The following DOK5 variants were observed in gnomAD, a reference collection of about 807,000 sequenced individuals.
DOK5 encodes docking protein 5.
A neutral mutation model predicts 43.3 loss-of-function variants in DOK5; 27 were observed. The ratio of observed to expected loss-of-function variants is 0.62; its 90% CI spans 0.46 to 0.86. The LOEUF (loss-of-function observed/expected upper bound fraction) is 0.86. Ranked by LOEUF, DOK5 falls within the 40% of genes least tolerant of loss-of-function variation. The probability of loss-of-function intolerance (pLI) is 0.00; values close to 1 mark genes in which losing one functional copy is unlikely to be tolerated. For synonymous variants in DOK5, 146 were observed against 140.1 expected, an observed-to-expected ratio of 1.04 and a Z score of -0.30; for missense variants, 373 against 392.9, an observed-to-expected ratio of 0.95 and a Z score of 0.43.
intron 6 of DOK5, among the ~76,000 whole-genome samples, chr20:54,632,236 T>A (rs932167450): frequency 2.6e-5 from 4 of 152,214 alleles, no homozygotes; most frequent in Admixed American, 6.5e-5. Flanking sequence ...GTACACTCAC[T>A]GAAACCAGGT....
rs183269325 is a variant in DOK5 at position 54,646,145 on chromosome 20, C to T, written c.856+2567C>T. Among the ~76,000 whole-genome samples, 21 of 151,470 alleles carry T rather than the reference C, an allele frequency of 1.4e-4. No individual in the cohort carries two copies. In the East Asian group the frequency reaches 3.9e-3, roughly 28 times the overall value. ...ATATCATCACAATTTTTGTCATATA[C>T]ATACCAGAATGTTACTCGATTTTAC... On this transcript the variant is annotated intron_variant, in intron 7 of 7. Transcript: ENST00000262593.
chr20:54,605,360 G>A (rs1186258172), intron 5 of DOK5, among the ~76,000 whole-genome samples: 2 of 152,220 alleles, frequency 1.3e-5, no homozygotes, highest in African/African-American at 4.8e-5. Context: ...AGTTTCTGAA[G>A]TTGGGCACTC....
chr20:54,626,547 G>T (rs981655765), intron 6 of DOK5, among the ~76,000 whole-genome samples: 2 of 152,006 alleles, frequency 1.3e-5, no homozygotes, highest in African/African-American at 4.8e-5. Context: ...TTTATAATTT[G>T]TTTACATGCA....
chr20:54,577,805 T>C (rs1985501096), intron 2 of DOK5, among the ~76,000 whole-genome samples: 1 of 152,184 alleles, frequency 6.6e-6, no homozygotes, highest in Non-Finnish European at 1.5e-5. Flanking sequence ...GTTGTTCTCA[T>C]GGTGGAGAGT....
intron 5 of DOK5, among the ~76,000 whole-genome samples, chr20:54,609,565 T>C (rs184403492): frequency 1.3e-5 from 2 of 150,588 alleles, no homozygotes; most frequent in South Asian, 2.1e-4. Context: ...AGCATATATA[T>C]ACACACACTA....
intron 4 of DOK5, among the ~76,000 whole-genome samples, chr20:54,590,448 A>G (rs1211658474): frequency 6.6e-6 from 1 of 152,070 alleles, no homozygotes; most frequent in Non-Finnish European, 1.5e-5. Context: ...TTCTAAGCAA[A>G]TAGATTGATA....
chr20:54,640,170 C>T (rs189192800), intron 6 of DOK5, among the ~76,000 whole-genome samples: 88 of 152,284 alleles, frequency 5.8e-4, no homozygotes, highest in African/African-American at 2.1e-3. Flanking sequence ...ATGGGGAGAA[C>T]GTGCCAAATC....
chr20:54,541,009 G>T (rs1293908801), intron 1 of DOK5, among the ~76,000 whole-genome samples: 1 of 152,142 alleles, frequency 6.6e-6, no homozygotes, highest in Non-Finnish European at 1.5e-5. Flanking sequence ...TTTAATAGGT[G>T]TGACAAGCTC....
chr20:54,575,003 G>A (rs6068908), intron 2 of DOK5, among the ~76,000 whole-genome samples: 3 of 152,164 alleles, frequency 2.0e-5, no homozygotes, highest in Admixed American at 6.5e-5. Flanking sequence ...GCCATGTGAA[G>A]TCCTCAACAT....
intron 6 of DOK5, among the ~76,000 whole-genome samples, chr20:54,614,019 T>C (rs543876395): frequency 9.4e-5 from 14 of 149,104 alleles, no homozygotes; most frequent in South Asian, 8.4e-4. Context: ...TATATATGGT[T>C]ATATATATTT....
intron 1 of DOK5, among the ~76,000 whole-genome samples, chr20:54,482,709 C>A (rs113883816): frequency 0.025 from 3,835 of 152,320 alleles, 159 homozygotes; most frequent in African/African-American, 0.084. Context: ...GTTGGCCAGG[C>A]TGGCCTTGTA....
chr20:54,570,914 C>G (rs1985262319), intron 2 of DOK5, among the ~76,000 whole-genome samples: 1 of 152,148 alleles, frequency 6.6e-6, no homozygotes, highest in African/African-American at 2.4e-5. Flanking sequence ...ATATCGGTAG[C>G]AAATTAAACA....
chr20:54,570,642 T>TC (rs1265279077), intron 2 of DOK5, among the ~76,000 whole-genome samples: 2 of 152,048 alleles, frequency 1.3e-5, no homozygotes, highest in Non-Finnish European at 2.9e-5. Context: ...GGAAATCTGA[T>TC]CCTTTTTTTT....
chr20:54,528,837 A>C (rs1197932905), intron 1 of DOK5, among the ~76,000 whole-genome samples: 1 of 152,216 alleles, frequency 6.6e-6, no homozygotes, highest in Non-Finnish European at 1.5e-5. Flanking sequence ...GTTGTATTTT[A>C]AAATAATGAG....
chr20:54,597,509 AT>A (rs1457520023), intron 5 of DOK5, among the ~76,000 whole-genome samples: 1 of 152,194 alleles, frequency 6.6e-6, no homozygotes. Context: ...TAAGAGGCTC[AT>A]TACCTCATTT....
intron 5 of DOK5, among the ~76,000 whole-genome samples, chr20:54,596,942 T>G (rs1467494484): frequency 2.0e-5 from 3 of 152,108 alleles, no homozygotes; most frequent in Non-Finnish European, 4.4e-5. Context: ...CCACACTATC[T>G]CAGTAAAAGA....
Position 54,588,820 on chromosome 20 carries a change from AT to A in DOK5, c.409+16del. 6.2e-7 allele frequency: 1 copy of A among 1,612,608 alleles called. No individual in the cohort carries two copies. Among genetic ancestry groups the A allele is most frequent in the Non-Finnish European group, 8.5e-7 (1 of 1,179,150 alleles). On this transcript the variant is annotated intron_variant, in intron 4 of 7. Transcript: ENST00000262593. ...GAGAACAGAGTGGTATGTAAAGAAA[AT>A]TCTCTCCTCTCTCTTTCAAAACTGC... is the stretch of plus-strand genomic sequence containing the variant.
chr20:54,581,467 C>CT (rs893701821), intron 2 of DOK5, among the ~76,000 whole-genome samples: 10 of 149,120 alleles, frequency 6.7e-5, no homozygotes, highest in South Asian at 2.1e-4. Flanking sequence ...TATGTTAAGT[C>CT]TTTTTTTTAA....
intron 1 of DOK5, among the ~76,000 whole-genome samples, chr20:54,484,662 A>G (rs1981857692): frequency 6.6e-6 from 1 of 152,146 alleles, no homozygotes; most frequent in Non-Finnish European, 1.5e-5. Context: ...CCATATCCCT[A>G]ATCCCCTGAC....
Sources: gnomAD v4.1 joint callset for allele counts (sites outside exome capture counted in the v4.1 genomes callset) on GRCh38, gnomAD v4.1.1 for gene constraint, MANE v1.5 for transcripts, NCBI Gene and HGNC (gene_info 2026-07-23, HGNC 2026-07-21) for gene names.